Variants in ADAMTS18 observed in about 807,000 individuals in gnomAD.
ADAMTS18 encodes ADAM metallopeptidase with thrombospondin type 1 motif 18, also known as A disintegrin and metalloproteinase with thrombospondin motifs 18.
In ADAMTS18, 157 loss-of-function variants were observed where a neutral mutation model predicts 165.9. The observed-to-expected ratio is 0.95, with a 90% CI of 0.83 to 1.08. The LOEUF (loss-of-function observed/expected upper bound fraction) is 1.08, where lower values mean the gene tolerates loss of function less well. ADAMTS18 is among the 50% of genes least tolerant of loss of function. The pLI is 0.00. For synonymous variants in ADAMTS18, 782 were observed against 578.2 expected, an observed-to-expected ratio of 1.35 and a Z score of -5.06; for missense variants, 2,040 against 1,534.0, an observed-to-expected ratio of 1.33 and a Z score of -5.51.
intron 3 of ADAMTS18, among the ~76,000 whole-genome samples, chr16:77,403,170 T>C (rs190804253): frequency 1.1e-4 from 17 of 152,326 alleles, no homozygotes; most frequent in Admixed American, 1.0e-3. Context: ...GTCAAATGAC[T>C]TACCCAGGGT....
intron 3 of ADAMTS18, among the ~76,000 whole-genome samples, chr16:77,387,012 C>A (rs371415142): frequency 6.6e-6 from 1 of 152,164 alleles, no homozygotes; most frequent in Non-Finnish European, 1.5e-5. Context: ...TCACTCCAAA[C>A]AGATGCTGGG....
intron 3 of ADAMTS18, among the ~76,000 whole-genome samples, chr16:77,421,993 A>G (rs1383526100): frequency 6.6e-6 from 1 of 152,166 alleles, no homozygotes; most frequent in Non-Finnish European, 1.5e-5. Flanking sequence ...ACCAAACAAG[A>G]TGTTTGGCTA....
chr16:77,426,357 T>A (rs1348425982), intron 3 of ADAMTS18, among the ~76,000 whole-genome samples: 5 of 151,952 alleles, frequency 3.3e-5, no homozygotes, highest in African/African-American at 1.2e-4. Flanking sequence ...AAAAAAAAAA[T>A]TTCATTGGCC....
chr16:77,286,871 T>A (rs891471796), intron 22 of ADAMTS18, among the ~76,000 whole-genome samples: 1 of 152,132 alleles, frequency 6.6e-6, no homozygotes, highest in African/African-American at 2.4e-5. Context: ...TGAAGAGAAT[T>A]TTATGTATAA....
chr16:77,340,219 G>C (rs915139952), intron 11 of ADAMTS18, among the ~76,000 whole-genome samples: 6 of 152,122 alleles, frequency 3.9e-5, no homozygotes, highest in Non-Finnish European at 8.8e-5. Context: ...CTGTCACCCA[G>C]GCTGGAATTC....
intron 2 of ADAMTS18, among the ~76,000 whole-genome samples, chr16:77,433,136 G>A (rs902107138): frequency 6.6e-6 from 1 of 152,180 alleles, no homozygotes; most frequent in Non-Finnish European, 1.5e-5. Flanking sequence ...TGTGGCTCTT[G>A]ATTATGTGCA....
intron 16 of ADAMTS18, among the ~76,000 whole-genome samples, chr16:77,313,522 G>A (rs1296590362): frequency 6.6e-6 from 1 of 151,870 alleles, no homozygotes; most frequent in African/African-American, 2.4e-5. Flanking sequence ...ACAGAATTGT[G>A]GAAGACTGCT....
chr16:77,350,933 G>GA (rs1034951365), intron 10 of ADAMTS18, among the ~76,000 whole-genome samples: 20 of 147,908 alleles, frequency 1.4e-4, no homozygotes, highest in Admixed American at 2.7e-4. Context: ...AGGCATGGAG[G>GA]AAAAAAAAAA....
At chr16:77,335,185 C>T (rs532533056) in intron 12 of ADAMTS18, among the ~76,000 whole-genome samples, 1 of 149,102 alleles carries the variant, frequency 6.7e-6, no homozygotes, top group Admixed American at 6.7e-5. Context: ...TTTGCAGCAA[C>T]ATGAATGGAA....
Position 77,335,760 on chromosome 16 carries a change from G to C in ADAMTS18, c.1855C>G (p.Pro619Ala). Residue 619 changes from proline to alanine, a missense_variant, in exon 12 of 23, where the codon CCC (proline) becomes GCC (alanine). Pro to Ala is a conservative substitution (Grantham distance 27, BLOSUM62 -1). Transcript: ENST00000282849. The stretch of plus-strand genomic sequence containing the variant: ...AACTTTCTGCTGGAGGCTTACTTGG[G>C]GTTATTGCAGTGTCTCTCCTGGAAC... Reference protein sequence around the residue: ...VKFQERHCNNPKPQYGGLFCP... With the variant: ...VKFQERHCNNAKPQYGGLFCP... 1 of 1,614,176 alleles carries C rather than the reference G, an allele frequency of 6.2e-7. No homozygotes were observed. The highest frequency in any genetic ancestry group is 8.5e-7 in the Non-Finnish European group (1 of 1,180,024).
At chr16:77,394,680 T>G (rs1464216531) in intron 3 of ADAMTS18, among the ~76,000 whole-genome samples, 1 of 152,216 alleles carries the variant, frequency 6.6e-6, no homozygotes, top group Non-Finnish European at 1.5e-5. Flanking sequence ...ACCCAAAATT[T>G]GACTTACCAC....
chr16:77,303,720 C>T (rs1038312987), intron 16 of ADAMTS18, among the ~76,000 whole-genome samples: 2 of 152,102 alleles, frequency 1.3e-5, no homozygotes, highest in Non-Finnish European at 2.9e-5. Context: ...AAAACACAGT[C>T]ACAGTTATTT....
intron 3 of ADAMTS18, among the ~76,000 whole-genome samples, chr16:77,367,949 C>T (rs2056822998): frequency 6.6e-6 from 1 of 152,112 alleles, no homozygotes; most frequent in Admixed American, 6.6e-5. Flanking sequence ...CAAACATGGC[C>T]CACTGCAGCC....
chr16:77,362,181 G>C lies in ADAMTS18; in HGVS notation c.1140C>G (p.Gly380=). 1 of 1,614,050 alleles carries C rather than the reference G, an allele frequency of 6.2e-7. No individual in the cohort carries two copies. Among genetic ancestry groups the C allele is most frequent in the South Asian group, 1.1e-5 (1 of 91,070 alleles). ...QWQSALIGKN[G]KRHDHAILLT... ...GTAAGATGGCATGATCATGTCTCTT[G>C]CCATTCTTTCCAATGAGGGCAGACT... The change falls in exon 7 of 23, where the codon GGC becomes GGG. Residue 380 remains glycine, a synonymous_variant. Coordinates refer to ENST00000282849, the MANE Select transcript of ADAMTS18 (RefSeq NM_199355.4).
chr16:77,342,186 C>T (rs1407865286), intron 10 of ADAMTS18, among the ~76,000 whole-genome samples: 1 of 152,174 alleles, frequency 6.6e-6, no homozygotes, highest in South Asian at 2.1e-4. Flanking sequence ...TGGTTTCATG[C>T]CCTATGGACA....
intron 16 of ADAMTS18, among the ~76,000 whole-genome samples, chr16:77,316,043 C>T (rs1748279880): frequency 6.6e-6 from 1 of 152,158 alleles, no homozygotes. Flanking sequence ...ACATCTTTCT[C>T]CCTCAGAGTT....
rs114466247 is a variant in ADAMTS18, at chr16:77,422,723, T to C, written c.495+8572A>G. 8.0e-3 allele frequency among the ~76,000 whole-genome samples: 1,221 copies of C among 152,296 alleles called. 20 individuals carry two copies. Among genetic ancestry groups the C allele is most frequent in the African/African-American group, 0.028 (1,159 of 41,568 alleles). ...AGAGCCAAAAAAATGCATATTTTTTTATGCTTAACATAGCCTGAGATGAAG... is the reference window on the plus strand; with the variant it reads ...AGAGCCAAAAAAATGCATATTTTTTCATGCTTAACATAGCCTGAGATGAAG... On this transcript the variant is annotated intron_variant, in intron 3 of 22. Transcript: ENST00000282849.
At chr16:77,410,277 T>G (rs113788659) in intron 3 of ADAMTS18, among the ~76,000 whole-genome samples, 31 of 143,620 alleles carry the variant, frequency 2.2e-4, no homozygotes, top group African/African-American at 7.4e-4. Flanking sequence ...CAAGAATTGG[T>G]TGCAACCCAA....
chr16:77,330,088 A>G (rs941745202), intron 12 of ADAMTS18, among the ~76,000 whole-genome samples: 5 of 152,184 alleles, frequency 3.3e-5, no homozygotes, highest in African/African-American at 9.7e-5. Flanking sequence ...AGAAATCAGT[A>G]TTTTTAAAAA....
Sources: gnomAD v4.1 joint callset for allele counts (sites outside exome capture counted in the v4.1 genomes callset) on GRCh38, gnomAD v4.1.1 for gene constraint, MANE v1.5 for transcripts, NCBI Gene and HGNC (gene_info 2026-07-23, HGNC 2026-07-21) for gene names.